MIS18A: variants seen among roughly 807,000 people sequenced by gnomAD.
The protein encoded by MIS18A is protein Mis18-alpha.
Under a neutral mutation model 25.0 loss-of-function variants are expected in MIS18A, and 14 were observed. The observed-to-expected ratio is 0.56, with a 90% CI of 0.37 to 0.88. The LOEUF (loss-of-function observed/expected upper bound fraction) is 0.88. Among genes scored for constraint, MIS18A ranks in the 40% least tolerant of loss-of-function variants. The pLI, the probability that MIS18A is intolerant of heterozygous loss-of-function variation, is 0.00. For synonymous variants in MIS18A, 134 were observed against 118.6 expected (o/e 1.13, Z -0.84); for missense variants, 292 against 290.8 (o/e 1.00, Z -0.03).
At chr21:32,200,768 G>A in the MIS18A span, among the ~76,000 whole-genome samples, 2 of 152,246 alleles carry the variant, frequency 1.3e-5, no homozygotes, top group East Asian at 1.9e-4. Context: ...TTAAGGAGAT[G>A]TGATGTAGTT....
At chr21:32,277,819 A>C (rs553938474) in intron 1 of MIS18A, 6 of 152,266 alleles carry the variant, frequency 3.9e-5, no homozygotes, top group African/African-American at 1.4e-4. Flanking sequence ...AGTTAATCTC[A>C]ACTTTCAGTT....
the MIS18A span, among the ~76,000 whole-genome samples, chr21:32,160,649 CTTT>C: frequency 6.9e-6 from 1 of 144,660 alleles, no homozygotes; most frequent in African/African-American, 2.5e-5. Context: ...TGGTTGCATT[CTTT>C]TTTTTTTTTT....
At chr21:32,260,298 A>C in the MIS18A span, 1 of 152,238 alleles carries the variant, frequency 6.6e-6, no homozygotes, top group African/African-American at 2.4e-5. Flanking sequence ...GAGAAATGAC[A>C]TCTGACTGAG....
At chr21:32,162,001 A>G in the MIS18A span, among the ~76,000 whole-genome samples, 1 of 152,216 alleles carries the variant, frequency 6.6e-6, no homozygotes, top group African/African-American at 2.4e-5. Context: ...ACACTGTCCT[A>G]GTTAATACAG....
At chr21:32,194,614 G>A in the MIS18A span, among the ~76,000 whole-genome samples, 1 of 151,852 alleles carries the variant, frequency 6.6e-6, no homozygotes, top group African/African-American at 2.4e-5. Context: ...AGCCAAGATC[G>A]TGCCATTGCA....
chr21:32,197,276 TATGTC>T, the MIS18A span, among the ~76,000 whole-genome samples: 13,633 of 152,266 alleles, frequency 0.09, 642 homozygotes, highest in Middle Eastern at 0.14. Context: ...GGTAGTTCCT[TATGTC>T]ATGCTATCAC....
At chr21:32,254,100 G>A in the MIS18A span, among the ~76,000 whole-genome samples, 1 of 152,126 alleles carries the variant, frequency 6.6e-6, no homozygotes, top group East Asian at 1.9e-4. Context: ...GTGTGGTGGT[G>A]TGTGCCTGTA....
chr21:32,245,652 G>C, the MIS18A span, among the ~76,000 whole-genome samples: 4 of 152,216 alleles, frequency 2.6e-5, no homozygotes, highest in African/African-American at 9.6e-5. Context: ...GTGTCAAGCA[G>C]TGTGAGCCCA....
chr21:32,277,209 C>A (rs2031830162), intron 1 of MIS18A, among the ~76,000 whole-genome samples: 1 of 152,032 alleles, frequency 6.6e-6, no homozygotes, highest in African/African-American at 2.4e-5. Context: ...AAATTTTAAA[C>A]TACTATTTTA....
chr21:32,238,030 C>T, the MIS18A span, among the ~76,000 whole-genome samples: 1 of 152,096 alleles, frequency 6.6e-6, no homozygotes, highest in African/African-American at 2.4e-5. Context: ...CTGCCATAGC[C>T]CCAAGTACCA....
At chr21:32,211,154 T>C in the MIS18A span, among the ~76,000 whole-genome samples, 1 of 152,142 alleles carries the variant, frequency 6.6e-6, no homozygotes, top group Admixed American at 6.5e-5. Context: ...AATTCTCCTG[T>C]CTCAGCCTCC....
At chr21:32,231,130 G>A in the MIS18A span, among the ~76,000 whole-genome samples, 2 of 151,562 alleles carry the variant, frequency 1.3e-5, no homozygotes, top group African/African-American at 2.4e-5. Flanking sequence ...CCAGCTACTC[G>A]GGAGGCTGAG....
the MIS18A span, among the ~76,000 whole-genome samples, chr21:32,169,797 C>G: frequency 6.6e-6 from 1 of 152,172 alleles, no homozygotes; most frequent in East Asian, 1.9e-4. Context: ...TTAGTGGCCA[C>G]ACACAACAAA....
At chr21:32,211,670 C>T in the MIS18A span, among the ~76,000 whole-genome samples, 1 of 152,196 alleles carries the variant, frequency 6.6e-6, no homozygotes, top group African/African-American at 2.4e-5. Context: ...CTGTTTTGAA[C>T]TAGAGATTAG....
the MIS18A span, among the ~76,000 whole-genome samples, chr21:32,192,424 A>G: frequency 0.01 from 1,534 of 152,084 alleles, 88 homozygotes; most frequent in Admixed American, 0.088. Flanking sequence ...ACTCCTTTGT[A>G]TCTGTCCCCC....
chr21:32,231,903 C>G, the MIS18A span, among the ~76,000 whole-genome samples: 1 of 152,228 alleles, frequency 6.6e-6, no homozygotes, highest in East Asian at 1.9e-4. Flanking sequence ...AAGAGCAAGA[C>G]TCCGTCTCAA....
At chr21:32,160,953 G>C in the MIS18A span, among the ~76,000 whole-genome samples, 1 of 152,148 alleles carries the variant, frequency 6.6e-6, no homozygotes, top group African/African-American at 2.4e-5. Flanking sequence ...TTGAGTGTCT[G>C]TCTAGCCTCT....
the MIS18A span, among the ~76,000 whole-genome samples, chr21:32,183,525 C>T: frequency 6.6e-6 from 1 of 152,226 alleles, no homozygotes; most frequent in Admixed American, 6.5e-5. Context: ...CAGGTCCTCT[C>T]ATCTGAGTGA....
At chr21:32,165,236 C>T in the MIS18A span, among the ~76,000 whole-genome samples, 30 of 151,986 alleles carry the variant, frequency 2.0e-4, 1 homozygote, top group South Asian at 6.3e-4. Context: ...GGGAGGCTGA[C>T]GCAGGAGAAT....
Sources: allele counts gnomAD v4.1 joint callset (sites outside exome capture counted in the v4.1 genomes callset), GRCh38; gene constraint gnomAD v4.1.1; transcripts MANE v1.5; gene names NCBI Gene and HGNC (gene_info 2026-07-23, HGNC 2026-07-21).